CCDC148: variants seen among roughly 807,000 people sequenced by gnomAD.
CCDC148 encodes coiled-coil domain-containing protein 148.
Under a neutral mutation model 85.7 loss-of-function variants are expected in CCDC148, and 89 were observed. The observed-to-expected ratio is 1.04, with a 90% confidence interval of 0.87 to 1.24. The LOEUF (loss-of-function observed/expected upper bound fraction) is 1.24. Among genes scored for constraint, CCDC148 ranks in the 50% most tolerant of loss-of-function variants. CCDC148 has a pLI of 0.00. For missense variants in CCDC148, 692 were observed against 671.7 expected, an observed-to-expected ratio of 1.03 and a Z score of -0.33; for synonymous variants, 230 against 213.9, an observed-to-expected ratio of 1.08 and a Z score of -0.66.
At chr2:158,403,204 A>G (rs1685859247) in intron 1 of CCDC148, among the ~76,000 whole-genome samples, 1 of 152,026 alleles carries the variant, frequency 6.6e-6, no homozygotes, top group Non-Finnish European at 1.5e-5. Flanking sequence ...TTCTGACCCA[A>G]AGCCTGTATT....
intron 9 of CCDC148, among the ~76,000 whole-genome samples, chr2:158,259,742 T>G (rs1689145548): frequency 1.3e-5 from 2 of 151,976 alleles, no homozygotes; most frequent in South Asian, 4.1e-4. Flanking sequence ...TGTATTTGGA[T>G]GTGACCCTGT....
At chr2:158,172,410 A>C in intron 13 of CCDC148, 151 bp from the exon 14 acceptor site, 4 of 631,438 alleles carry the variant, frequency 6.3e-6, no homozygotes, top group Non-Finnish European at 1.1e-5. Context: ...TATTTTGGAA[A>C]CATCTAAACC....
At chr2:158,291,740 T>C (rs1188404150) in intron 9 of CCDC148, among the ~76,000 whole-genome samples, 2 of 152,220 alleles carry the variant, frequency 1.3e-5, no homozygotes, top group African/African-American at 4.8e-5. Context: ...TCCCTGAGGA[T>C]GAATTACTCA....
chr2:158,374,323 G>A (rs368378223), intron 1 of CCDC148, among the ~76,000 whole-genome samples: 6 of 152,060 alleles, frequency 3.9e-5, no homozygotes, highest in African/African-American at 1.4e-4. Context: ...GTAATCTAAG[G>A]ATATCTATGC....
At chr2:158,306,341 T>C (rs1407390032) in intron 9 of CCDC148, among the ~76,000 whole-genome samples, 1 of 151,748 alleles carries the variant, frequency 6.6e-6, no homozygotes, top group Non-Finnish European at 1.5e-5. Flanking sequence ...ATTAACACAG[T>C]GAAACCCCAT....
intron 2 of CCDC148, among the ~76,000 whole-genome samples, chr2:158,347,025 G>C (rs1490195193): frequency 6.6e-6 from 1 of 152,114 alleles, no homozygotes; most frequent in Non-Finnish European, 1.5e-5. Context: ...ACAGGACCCT[G>C]CAGAAAAACA....
At chr2:158,368,096 C>A (rs1422892474) in intron 1 of CCDC148, among the ~76,000 whole-genome samples, 1 of 152,062 alleles carries the variant, frequency 6.6e-6, no homozygotes, top group Non-Finnish European at 1.5e-5. Flanking sequence ...AATACACTGG[C>A]CAAACCCAAC....
intron 9 of CCDC148, among the ~76,000 whole-genome samples, chr2:158,260,465 C>G (rs1228608633): frequency 6.6e-6 from 1 of 151,968 alleles, no homozygotes; most frequent in African/African-American, 2.4e-5. Flanking sequence ...ACAGGGATGC[C>G]TTCTCTCACC....
At chr2:158,393,739 T>C (rs769799946) in intron 1 of CCDC148, among the ~76,000 whole-genome samples, 5 of 152,138 alleles carry the variant, frequency 3.3e-5, no homozygotes, top group Non-Finnish European at 5.9e-5. Context: ...CAGAGGTGGA[T>C]GGATTTTTAA....
Position 158,456,677 on chromosome 2 carries a change from G to T in CCDC148, c.-238C>A. The T allele has an allele frequency of 1.7e-6, 1 of 576,178 alleles. No homozygotes were observed. The highest frequency in any genetic ancestry group is 3.1e-6 in the Non-Finnish European group (1 of 325,622). The allele number at this position is 576,178 out of a possible 1,614,324, so 35.7% of individuals were successfully genotyped here. ...TGTCCTCTCCGCCACCCCCTCCCGC[G>T]CCCGAGACCTGAGACACCTTCTCTC... On this transcript the variant is annotated 5_prime_UTR_variant, in exon 1 of 14. Transcript: ENST00000283233.
intron 1 of CCDC148, among the ~76,000 whole-genome samples, chr2:158,423,119 T>C (rs1252643081): frequency 2.0e-5 from 3 of 152,102 alleles, no homozygotes; most frequent in Non-Finnish European, 2.9e-5. Context: ...TGCTCATGGA[T>C]AGGAAGAATC....
intron 1 of CCDC148, among the ~76,000 whole-genome samples, chr2:158,367,276 T>C (rs1050369558): frequency 6.6e-6 from 1 of 152,176 alleles, no homozygotes; most frequent in Non-Finnish European, 1.5e-5. Flanking sequence ...AAATCTATGC[T>C]GGTTTGTTAG....
At chr2:158,446,732 A>G (rs907465420) in intron 1 of CCDC148, among the ~76,000 whole-genome samples, 3 of 152,210 alleles carry the variant, frequency 2.0e-5, no homozygotes, top group African/African-American at 7.2e-5. Context: ...TAGGACATTA[A>G]CATCACCAGA....
intron 1 of CCDC148, among the ~76,000 whole-genome samples, chr2:158,421,489 C>T (rs1313512786): frequency 6.6e-6 from 1 of 152,210 alleles, no homozygotes; most frequent in East Asian, 1.9e-4. Flanking sequence ...TGAATGACTA[C>T]TGGGTACATA....
intron 1 of CCDC148, among the ~76,000 whole-genome samples, chr2:158,374,241 G>C (rs1345124711): frequency 6.6e-6 from 1 of 151,982 alleles, no homozygotes; most frequent in Non-Finnish European, 1.5e-5. Flanking sequence ...CAGTTGACCG[G>C]TGCCCCAGAC....
intron 9 of CCDC148, among the ~76,000 whole-genome samples, chr2:158,254,533 T>C (rs981404552): frequency 1.3e-5 from 2 of 151,584 alleles, no homozygotes; most frequent in Non-Finnish European, 3.0e-5. Flanking sequence ...AAAAAATGTA[T>C]TGAAAAACAA....
intron 1 of CCDC148, among the ~76,000 whole-genome samples, chr2:158,455,715 G>C (rs970789916): frequency 6.6e-6 from 1 of 152,118 alleles, no homozygotes; most frequent in East Asian, 1.9e-4. Flanking sequence ...CTATAGGCTA[G>C]AGCAATATCA....
At chr2:158,259,653 T>C (rs146056202) in intron 9 of CCDC148, among the ~76,000 whole-genome samples, 266 of 152,024 alleles carry the variant, frequency 1.7e-3, no homozygotes, top group African/African-American at 6.0e-3. Context: ...GGCCACCAGT[T>C]CAAGTGGCCT....
At chr2:158,269,877 T>C (rs1689625456) in intron 9 of CCDC148, among the ~76,000 whole-genome samples, 2 of 152,166 alleles carry the variant, frequency 1.3e-5, no homozygotes, top group Non-Finnish European at 2.9e-5. Context: ...CCCTGCTAAG[T>C]CTAAAGGAAG....
Sources: gnomAD v4.1 joint callset for allele counts (sites outside exome capture counted in the v4.1 genomes callset) on GRCh38, gnomAD v4.1.1 for gene constraint, MANE v1.5 for transcripts, NCBI Gene and HGNC (gene_info 2026-07-23, HGNC 2026-07-21) for gene names.